The following MYRFL variants were observed in gnomAD, a reference collection of about 807,000 sequenced individuals.
MYRFL encodes the protein myelin regulatory factor like, also known as myelin regulatory factor-like protein.
Under a neutral mutation model 109.4 loss-of-function variants are expected in MYRFL, and 88 were observed. That is an observed-to-expected ratio of 0.80 (90% CI 0.68 to 0.96). The LOEUF is 0.96. Among genes scored for constraint, MYRFL ranks in the 40% least tolerant of loss-of-function variants. The pLI is 0.00. For synonymous variants in MYRFL, 324 were observed against 320.9 expected, an observed-to-expected ratio of 1.01 and a Z score of -0.10; for missense variants, 957 against 954.9, an observed-to-expected ratio of 1.00 and a Z score of -0.03.
intron 13 of MYRFL, among the ~76,000 whole-genome samples, chr12:69,916,977 A>G (rs891319082): frequency 6.6e-6 from 1 of 151,960 alleles, no homozygotes; most frequent in Non-Finnish European, 1.5e-5. Context: ...CCTAGCTTTC[A>G]TCTCTCTCCA....
At chr12:69,938,927 T>G (rs144902036) in intron 19 of MYRFL, among the ~76,000 whole-genome samples, 74 of 152,056 alleles carry the variant, frequency 4.9e-4, no homozygotes, top group African/African-American at 1.7e-3. Flanking sequence ...AAGAAAGGGG[T>G]GACGGATGGC....
chr12:69,910,840 G>T lies in MYRFL; in HGVS notation c.1512G>T (p.Val504=), dbSNP rs1315034336. 1 of 1,535,096 alleles carries T rather than the reference G, an allele frequency of 6.5e-7. No homozygotes were observed. The highest frequency in any genetic ancestry group is 8.7e-7 in the Non-Finnish European group (1 of 1,146,202). Residue 504 remains valine (V), a synonymous_variant, in exon 13 of 25, where the codon GTG becomes GTT. Transcript: ENST00000552032. The stretch of plus-strand genomic sequence containing the variant: ...ATACAGGAATGATTGCCCAGGAGGT[G>T]CAAGAAATCCTGCCCAGAGCAGTAA... ...AHQTGMIAQE[V]QEILPRAVRE...
chr12:69,957,905 T>A lies in MYRFL; in HGVS notation c.2534T>A (p.Leu845Gln), dbSNP rs925636077. The change falls in exon 23 of 25, where the codon CTG becomes CAG. Residue 845 changes from leucine (L) to glutamine (Q), a missense_variant. Physicochemically the swap from Leu to Gln is moderately radical, Grantham distance 113 (BLOSUM62 -2). Coordinates refer to ENST00000552032, the MANE Select transcript of MYRFL (RefSeq NM_182530.3). ...CATAGTAAAAGGGGAACCAAAGGGC[T>A]GGAAAGCCACAGAGAAATCTCCCAG... ...CFHSKRGTKG[L>Q]ESHREISQEM... 4.6e-6 allele frequency: 7 copies of A among 1,535,050 alleles called. No homozygotes were observed. Among genetic ancestry groups the A allele is most frequent in the East Asian group, 2.4e-5 (1 of 40,892 alleles).
chr12:69,953,467 G>A (rs1198365432), intron 21 of MYRFL, among the ~76,000 whole-genome samples: 4 of 152,100 alleles, frequency 2.6e-5, no homozygotes, highest in Admixed American at 2.6e-4. Flanking sequence ...CCAGTTGTAG[G>A]GATTAAGAAT....
At chr12:69,957,748 C>T in intron 22 of MYRFL, 74 bp from the exon 23 acceptor site, 1 of 1,446,646 alleles carries the variant, frequency 6.9e-7, no homozygotes, top group African/African-American at 1.4e-5. Flanking sequence ...AGATCCTCCT[C>T]TTATCAAGAT....
intron 14 of MYRFL, 124 bp downstream of exon 14, chr12:69,926,858 C>A: frequency 2.4e-6 from 2 of 820,736 alleles, no homozygotes; most frequent in Non-Finnish European, 3.2e-6. Flanking sequence ...ATAATGAAGT[C>A]TGCATTTTTC....
Position 69,926,641 on chromosome 12 carries a change from G to C in MYRFL, c.1673G>C (p.Arg558Thr). ...AAACTAACTAACAACCTTGAGGAAA[G>C]AATAGAAGAGTTAGAAATATGGAAC... Reference protein sequence around the residue: ...LCKLTNNLEERIEELEIWNRK... With the variant: ...LCKLTNNLEETIEELEIWNRK... The change falls in exon 14 of 25, where the codon AGA becomes ACA. Residue 558 changes from arginine to threonine, a missense_variant. Arg to Thr is a moderately conservative substitution (Grantham distance 71, BLOSUM62 -1). Coordinates refer to ENST00000552032, the MANE Select transcript of MYRFL (RefSeq NM_182530.3). The C allele has an allele frequency of 6.5e-7, 1 of 1,530,628 alleles. No homozygotes were observed. The highest frequency in any genetic ancestry group is 8.7e-7 in the Non-Finnish European group (1 of 1,143,742). 94.8% of individuals were successfully genotyped at this position (1,530,628 alleles called of 1,614,324 possible). A position where few individuals can be genotyped will look rare whatever the true frequency, so the allele number is the denominator to read the frequency against.
At chr12:69,947,777 G>T (rs951862090) in intron 19 of MYRFL, among the ~76,000 whole-genome samples, 4 of 152,160 alleles carry the variant, frequency 2.6e-5, no homozygotes, top group African/African-American at 9.7e-5. Flanking sequence ...GCCATCGACT[G>T]GTGGGGCTCA....
At chr12:69,871,716 G>C (rs1422949171) in intron 2 of MYRFL, among the ~76,000 whole-genome samples, 1 of 151,990 alleles carries the variant, frequency 6.6e-6, no homozygotes, top group African/African-American at 2.4e-5. Flanking sequence ...TTTTAGTTAT[G>C]TCAATATCCA....
intron 5 of MYRFL, among the ~76,000 whole-genome samples, chr12:69,881,676 A>G (rs922588183): frequency 6.6e-6 from 1 of 152,082 alleles, no homozygotes; most frequent in Non-Finnish European, 1.5e-5. Context: ...CTGGGCATCT[A>G]TCCCTCATAT....
intron 13 of MYRFL, among the ~76,000 whole-genome samples, chr12:69,914,782 A>C (rs905998674): frequency 2.0e-5 from 3 of 152,112 alleles, no homozygotes; most frequent in African/African-American, 7.2e-5. Context: ...TGAGGAGAAA[A>C]CCATGCCAAG....
chr12:69,915,652 A>G (rs1954706844), intron 13 of MYRFL, among the ~76,000 whole-genome samples: 1 of 152,200 alleles, frequency 6.6e-6, no homozygotes, highest in Middle Eastern at 3.4e-3. Context: ...CTCTTCTCAT[A>G]TATTCCCCAC....
rs192626315 is a variant in MYRFL at position 69,929,658 on chromosome 12, C to T, written c.1830+1910C>T. The stretch of plus-strand genomic sequence containing the variant: ...ACAATATCTAAGTTGTATAGTTTCC[C>T]TTCTTTAAAAACAGATAGTAAAAAG... On this transcript the variant is annotated intron_variant, in intron 15 of 24. Coordinates refer to ENST00000552032, the MANE Select transcript of MYRFL (RefSeq NM_182530.3). 1.2e-3 allele frequency among the ~76,000 whole-genome samples: 184 copies of T among 152,266 alleles called. 1 individual carries two copies. The South Asian group carries it at 0.015, about 13-fold the overall frequency.
At chr12:69,849,038 A>C (rs1358131451) in intron 1 of MYRFL, among the ~76,000 whole-genome samples, 1 of 152,010 alleles carries the variant, frequency 6.6e-6, no homozygotes, top group Non-Finnish European at 1.5e-5. Context: ...CACCCAGCTA[A>C]TTTTTGTATT....
chr12:69,861,467 G>T (rs897198055), intron 2 of MYRFL, among the ~76,000 whole-genome samples: 30 of 152,176 alleles, frequency 2.0e-4, no homozygotes, highest in African/African-American at 7.0e-4. Context: ...GTATCTCATT[G>T]TGGTTTTGAT....
chr12:69,832,926 G>A (rs1034634612), intron 1 of MYRFL, among the ~76,000 whole-genome samples: 4 of 145,692 alleles, frequency 2.7e-5, no homozygotes, highest in Admixed American at 7.1e-5. Context: ...CTTAGATGTC[G>A]AAGACTGAGG....
chr12:69,855,142 T>A, intron 1 of MYRFL, 138 bp from the exon 2 acceptor site: 1 of 469,970 alleles, frequency 2.1e-6, no homozygotes. Flanking sequence ...GTTTACTTTG[T>A]GCCTCTTCCA....
intron 1 of MYRFL, among the ~76,000 whole-genome samples, chr12:69,826,893 C>T (rs1365741148): frequency 6.6e-6 from 1 of 152,064 alleles, no homozygotes; most frequent in Non-Finnish European, 1.5e-5. Context: ...GGTTCAACAA[C>T]CACTTTCTTT....
chr12:69,957,497 G>A (rs565714814), intron 22 of MYRFL, among the ~76,000 whole-genome samples: 6 of 152,266 alleles, frequency 3.9e-5, no homozygotes, highest in South Asian at 2.1e-4. Context: ...TGGCCGAGGC[G>A]TTAGGGTTGC....
Sources: gnomAD v4.1 joint callset for allele counts (sites outside exome capture counted in the v4.1 genomes callset) on GRCh38, gnomAD v4.1.1 for gene constraint, MANE v1.5 for transcripts, NCBI Gene and HGNC (gene_info 2026-07-23, HGNC 2026-07-21) for gene names.